Variants in PRKG1 observed in about 807,000 individuals in gnomAD.
PRKG1 encodes protein kinase cGMP-dependent 1.
In PRKG1, 35 loss-of-function variants were observed where a neutral mutation model predicts 88.1. The observed-to-expected ratio is 0.40, with a 90% CI of 0.30 to 0.53. The LOEUF is 0.53. Among genes scored for constraint, PRKG1 ranks in the 20% least tolerant of loss-of-function variants. The probability of loss-of-function intolerance (pLI) is 0.59; values close to 1 mark genes in which losing one functional copy is unlikely to be tolerated. For synonymous variants in PRKG1, 303 were observed against 292.5 expected, an observed-to-expected ratio of 1.04 and a Z score of -0.37; for missense variants, 540 against 839.8, an observed-to-expected ratio of 0.64 and a Z score of 4.41.
intron 1 of PRKG1, among the ~76,000 whole-genome samples, chr10:51,045,463 C>G (rs1373747951): frequency 6.6e-6 from 1 of 152,122 alleles, no homozygotes; most frequent in Non-Finnish European, 1.5e-5. Context: ...GCTGGGACTA[C>G]AGGCATGTGC....
intron 3 of PRKG1, chr10:51,696,749 C>G (rs1382523813): frequency 6.6e-6 from 1 of 151,986 alleles, no homozygotes; most frequent in Non-Finnish European, 1.5e-5. Flanking sequence ...ATACAAACGT[C>G]AGATACCAAG....
At chr10:51,254,295 G>A (rs1839500748) in intron 2 of PRKG1, among the ~76,000 whole-genome samples, 1 of 151,786 alleles carries the variant, frequency 6.6e-6, no homozygotes, top group Non-Finnish European at 1.5e-5. Context: ...TAATTTTCAT[G>A]TCTCGCTCAT....
intron 1 of PRKG1, among the ~76,000 whole-genome samples, chr10:50,992,055 G>T (rs561868280): frequency 6.6e-6 from 1 of 152,084 alleles, no homozygotes; most frequent in Non-Finnish European, 1.5e-5. Flanking sequence ...TCCCAGCGGC[G>T]ACCCCCCGGA....
chr10:52,264,052 GTT>G (rs1380899796), intron 10 of PRKG1, among the ~76,000 whole-genome samples: 1 of 152,020 alleles, frequency 6.6e-6, no homozygotes, highest in East Asian at 1.9e-4. Context: ...TTTTAGGGCA[GTT>G]TTATGGCTTC....
At chr10:51,297,940 C>A (rs1336401408) in intron 2 of PRKG1, among the ~76,000 whole-genome samples, 4 of 152,032 alleles carry the variant, frequency 2.6e-5, no homozygotes, top group African/African-American at 9.7e-5. Flanking sequence ...GAGTAGGTGT[C>A]CTTACCTACA....
At chr10:51,877,503 A>T (rs1162374207) in intron 4 of PRKG1, among the ~76,000 whole-genome samples, 4 of 152,200 alleles carry the variant, frequency 2.6e-5, no homozygotes, top group Non-Finnish European at 5.9e-5. Context: ...ATTTGATTAC[A>T]TATTTTATAT....
At chr10:52,066,307 C>T (rs1228758626) in intron 7 of PRKG1, among the ~76,000 whole-genome samples, 3 of 152,126 alleles carry the variant, frequency 2.0e-5, no homozygotes, top group African/African-American at 7.2e-5. Context: ...ATTATGTCCT[C>T]AACTGTATTT....
In PRKG1 at chr10:51,366,173, A is replaced by G. The variant is rs79871014; in HGVS notation, c.479-101550A>G. ...ATTTCTCTGGTATAATTTCTCTGGT[A>G]TGATTCCTCAATCACTGCTGCTGAA... On this transcript the variant is annotated intron_variant, in intron 2 of 17. Coordinates refer to ENST00000373980, the MANE Select transcript of PRKG1 (RefSeq NM_006258.4). 4.9e-3 allele frequency among the ~76,000 whole-genome samples: 746 copies of G among 151,878 alleles called. 6 individuals carry two copies. The highest frequency in any genetic ancestry group is 0.017 in the African/African-American group (697 of 41,470).
chr10:52,270,714 C>T (rs1256538160), intron 10 of PRKG1, among the ~76,000 whole-genome samples: 3 of 112,054 alleles, frequency 2.7e-5, no homozygotes, highest in Non-Finnish European at 5.0e-5. Flanking sequence ...ACACTGGGGA[C>T]TGTTGTGGGG....
Position 51,568,252 on chromosome 10 carries a change from C to T in PRKG1, c.592+100416C>T, listed in dbSNP as rs534921682. Among the ~76,000 whole-genome samples the T allele has an allele frequency of 8.5e-5, 13 of 152,070 alleles. No homozygotes were observed. In the East Asian group the frequency reaches 2.1e-3, roughly 25 times the overall value. On this transcript the variant is annotated intron_variant, in intron 3 of 17. Transcript: ENST00000373980. Reference sequence around the variant, plus strand: ...GATGACATTTTATTGGCAGATTTTTCGGATTCAAATGCATATATAGTGCAG... The same window carrying T: ...GATGACATTTTATTGGCAGATTTTTTGGATTCAAATGCATATATAGTGCAG...
At chr10:51,693,562 T>C (rs1242017925) in intron 3 of PRKG1, among the ~76,000 whole-genome samples, 4 of 151,892 alleles carry the variant, frequency 2.6e-5, no homozygotes, top group African/African-American at 9.7e-5. Context: ...CCAACATGCC[T>C]GGCTAATTTT....
At chr10:51,125,141 A>T (rs1043512648) in intron 1 of PRKG1, among the ~76,000 whole-genome samples, 1 of 151,932 alleles carries the variant, frequency 6.6e-6, no homozygotes, top group African/African-American at 2.4e-5. Flanking sequence ...AACATAACTA[A>T]ACCCTGTCTC....
intron 3 of PRKG1, among the ~76,000 whole-genome samples, chr10:51,655,286 A>G (rs1840134692): frequency 6.6e-6 from 1 of 152,178 alleles, no homozygotes. Flanking sequence ...TTAAAAATAT[A>G]CTGGTTATAC....
At chr10:51,210,153 T>G (rs1423140207) in intron 2 of PRKG1, among the ~76,000 whole-genome samples, 2 of 152,182 alleles carry the variant, frequency 1.3e-5, no homozygotes, top group East Asian at 3.9e-4. Context: ...AACTCAGGAT[T>G]AAGAAACTCA....
intron 1 of PRKG1, among the ~76,000 whole-genome samples, chr10:51,026,634 A>G (rs1030978333): frequency 6.6e-6 from 1 of 152,118 alleles, no homozygotes. Context: ...CTTAAATTTT[A>G]TCTCTTTTCC....
At chr10:51,701,150 G>A (rs1264629427) in intron 3 of PRKG1, among the ~76,000 whole-genome samples, 1 of 151,896 alleles carries the variant, frequency 6.6e-6, no homozygotes, top group African/African-American at 2.4e-5. Flanking sequence ...TTTAAATGTG[G>A]CTATTAGAAA....
chr10:52,028,311 G>A, intron 5 of PRKG1, among the ~76,000 whole-genome samples: 1 of 152,186 alleles, frequency 6.6e-6, no homozygotes, highest in Non-Finnish European at 1.5e-5. Flanking sequence ...ATCACTGCAC[G>A]CATTTTGAGG....
chr10:52,282,857 C>T (rs1328515860), intron 14 of PRKG1, among the ~76,000 whole-genome samples: 1 of 152,014 alleles, frequency 6.6e-6, no homozygotes, highest in Admixed American at 6.6e-5. Context: ...ATGACATGTG[C>T]TAAAACAGTG....
intron 1 of PRKG1, among the ~76,000 whole-genome samples, chr10:51,077,131 T>C (rs902260144): frequency 2.0e-5 from 3 of 152,226 alleles, no homozygotes; most frequent in Non-Finnish European, 4.4e-5. Context: ...AATCTTATGT[T>C]GTTTGAATGG....
Sources: gnomAD v4.1 joint callset for allele counts (sites outside exome capture counted in the v4.1 genomes callset) on GRCh38, gnomAD v4.1.1 for gene constraint, MANE v1.5 for transcripts, NCBI Gene and HGNC (gene_info 2026-07-23, HGNC 2026-07-21) for gene names.